The following SHISAL2B variants were observed in gnomAD, a reference collection of about 807,000 sequenced individuals.
The protein encoded by SHISAL2B is protein shisa-like-2B.
In SHISAL2B, 12 loss-of-function variants were observed where a neutral mutation model predicts 16.5. The ratio of observed to expected loss-of-function variants is 0.73; its 90% CI spans 0.47 to 1.18. The LOEUF is 1.18. SHISAL2B is among the 50% of genes most tolerant of loss of function. The pLI is 0.00. For synonymous variants in SHISAL2B, 72 were observed against 75.0 expected (o/e 0.96, Z 0.21); for missense variants, 183 against 193.6 (o/e 0.95, Z 0.33).
rs561793180 is a variant in SHISAL2B at position 64,718,176 on chromosome 5, C to T, written c.*154C>T. On this transcript the variant is annotated 3_prime_UTR_variant, in exon 3 of 3. Coordinates refer to ENST00000389074, the MANE Select transcript of SHISAL2B (RefSeq NM_001164442.2). ...TTGATCATTCAGTTACTTTATTAAA[C>T]GCACATTAAGGTTTTATTGGTTTTC... 128 of 560,280 alleles carry T rather than the reference C, an allele frequency of 2.3e-4. 1 individual carries two copies. Among genetic ancestry groups the T allele is most frequent in the South Asian group, 1.6e-3 (45 of 27,446 alleles). 34.7% of individuals were successfully genotyped at this position (560,280 alleles called of 1,614,324 possible). A position where few individuals can be genotyped will look rare whatever the true frequency, so the allele number is the denominator to read the frequency against.
chr5:64,708,928 C>A (rs927783633), intron 2 of SHISAL2B, among the ~76,000 whole-genome samples: 14 of 151,776 alleles, frequency 9.2e-5, no homozygotes, highest in Non-Finnish European at 1.8e-4. Context: ...CCACTCTAGG[C>A]CCTGGATTTT....
chr5:64,701,699 AGAT>A (rs1741811652), intron 2 of SHISAL2B, among the ~76,000 whole-genome samples: 1 of 152,240 alleles, frequency 6.6e-6, no homozygotes, highest in Admixed American at 6.5e-5. Context: ...TTGTAAAGGC[AGAT>A]GATATAAATG....
At chr5:64,700,970 A>G (rs182342723) in intron 2 of SHISAL2B, among the ~76,000 whole-genome samples, 243 of 152,308 alleles carry the variant, frequency 1.6e-3, no homozygotes, top group African/African-American at 5.8e-3. Context: ...GGAAGCAGTA[A>G]TGCTTGCTTG....
intron 2 of SHISAL2B, among the ~76,000 whole-genome samples, chr5:64,708,870 C>T (rs996401606): frequency 5.9e-5 from 9 of 151,934 alleles, no homozygotes; most frequent in African/African-American, 1.9e-4. Flanking sequence ...TATTTTACTA[C>T]CAAAAATAGT....
intron 2 of SHISAL2B, among the ~76,000 whole-genome samples, chr5:64,697,208 A>T (rs932806782): frequency 6.6e-6 from 1 of 152,240 alleles, no homozygotes; most frequent in African/African-American, 2.4e-5. Context: ...ATAACTTATT[A>T]TCTGAACCAA....
At chr5:64,707,669 T>C (rs988032673) in intron 2 of SHISAL2B, among the ~76,000 whole-genome samples, 5 of 152,218 alleles carry the variant, frequency 3.3e-5, no homozygotes, top group Non-Finnish European at 7.3e-5. Flanking sequence ...GAGAGAAATA[T>C]GCTCCAAATT....
chr5:64,696,353 A>G (rs1440966965), intron 2 of SHISAL2B, among the ~76,000 whole-genome samples: 1 of 152,228 alleles, frequency 6.6e-6, no homozygotes, highest in Non-Finnish European at 1.5e-5. Flanking sequence ...GTGTGTTTGA[A>G]CAATATGAAA....
chr5:64,697,355 T>A (rs73759377), intron 2 of SHISAL2B, among the ~76,000 whole-genome samples: 6,511 of 152,296 alleles, frequency 0.043, 397 homozygotes, highest in African/African-American at 0.13. Flanking sequence ...GTAGAAGATG[T>A]ATTGACCAGA....
rs913120835 is a variant in SHISAL2B at position 64,718,146 on chromosome 5, C to T, written c.*124C>T. 8.7e-6 allele frequency: 6 copies of T among 689,038 alleles called. No individual in the cohort carries two copies. In the African/African-American group the frequency reaches 9.4e-5, roughly 11 times the overall value. 42.7% of individuals were successfully genotyped at this position (689,038 alleles called of 1,614,324 possible). ...TCACTCACAAAGCAAGACACAGCTGCATTTTTGATCATTCAGTTACTTTAT... is the reference window on the plus strand; with the variant it reads ...TCACTCACAAAGCAAGACACAGCTGTATTTTTGATCATTCAGTTACTTTAT... On this transcript the variant is annotated 3_prime_UTR_variant, in exon 3 of 3. Coordinates refer to ENST00000389074, the MANE Select transcript of SHISAL2B (RefSeq NM_001164442.2).
intron 1 of SHISAL2B, among the ~76,000 whole-genome samples, chr5:64,693,194 A>C (rs566731435): frequency 1.3e-5 from 2 of 152,058 alleles, no homozygotes; most frequent in East Asian, 3.9e-4. Context: ...TTTTTAGTAG[A>C]GACGGGGTTT....
chr5:64,715,197 T>C (rs1379530099), intron 2 of SHISAL2B, among the ~76,000 whole-genome samples: 1 of 152,070 alleles, frequency 6.6e-6, no homozygotes, highest in Non-Finnish European at 1.5e-5. Flanking sequence ...TTAATATATA[T>C]TTTTACTTAC....
rs1741627540 is a variant in SHISAL2B at position 64,690,719 on chromosome 5, G to A, written c.96G>A (p.Ala32=). ...FQCPRRGEGA[A]LQYCCGFADL... ...GCCCCCGGCGCGGCGAGGGGGCAGC[G>A]CTCCAGTATTGCTGCGGCTTCGCCG... The change falls in exon 1 of 3, where the codon GCG becomes GCA. Residue 32 remains alanine, a synonymous_variant. Coordinates refer to ENST00000389074, the MANE Select transcript of SHISAL2B (RefSeq NM_001164442.2). 4 of 1,536,392 alleles carry A rather than the reference G, an allele frequency of 2.6e-6. No individual in the cohort carries two copies. The highest frequency in any genetic ancestry group is 2.0e-5 in the Admixed American group (1 of 50,960).
At chr5:64,703,344 C>T (rs1253351576) in intron 2 of SHISAL2B, among the ~76,000 whole-genome samples, 5 of 152,240 alleles carry the variant, frequency 3.3e-5, no homozygotes, top group Admixed American at 3.3e-4. Flanking sequence ...GCATAAAAGG[C>T]CACCTGTGTC....
At chr5:64,716,010 C>T (rs1435314097) in intron 2 of SHISAL2B, among the ~76,000 whole-genome samples, 3 of 152,136 alleles carry the variant, frequency 2.0e-5, no homozygotes, top group African/African-American at 7.2e-5. Context: ...TTTAAGTATG[C>T]ACCAATTTAC....
chr5:64,707,661 G>C (rs956600675), intron 2 of SHISAL2B, among the ~76,000 whole-genome samples: 5 of 152,184 alleles, frequency 3.3e-5, no homozygotes, highest in African/African-American at 1.2e-4. Context: ...ATCAGGCAGA[G>C]AGAAATATGC....
intron 2 of SHISAL2B, among the ~76,000 whole-genome samples, chr5:64,700,660 G>A (rs1293750431): frequency 6.6e-6 from 1 of 152,106 alleles, no homozygotes; most frequent in African/African-American, 2.4e-5. Flanking sequence ...TGATCCACCT[G>A]TGTCAGCCTA....
chr5:64,693,550 T>C (rs1175758008), intron 1 of SHISAL2B, among the ~76,000 whole-genome samples: 1 of 152,222 alleles, frequency 6.6e-6, no homozygotes, highest in African/African-American at 2.4e-5. Context: ...GATTTTTTAA[T>C]CAGGTTCTTG....
intron 1 of SHISAL2B, chr5:64,694,312 A>G (rs890524913): frequency 3.2e-5 from 8 of 250,582 alleles, no homozygotes; most frequent in African/African-American, 1.9e-4. Flanking sequence ...GAAAGTTGAC[A>G]GAAGTATCTG....
intron 1 of SHISAL2B, chr5:64,694,234 C>T (rs1260299103): frequency 2.7e-6 from 1 of 368,822 alleles, no homozygotes; most frequent in African/African-American, 2.1e-5. Context: ...TATTTATTTA[C>T]ATTTATTGAA....
Sources: gnomAD v4.1 joint callset for allele counts (sites outside exome capture counted in the v4.1 genomes callset) on GRCh38, gnomAD v4.1.1 for gene constraint, MANE v1.5 for transcripts, NCBI Gene and HGNC (gene_info 2026-07-23, HGNC 2026-07-21) for gene names.